Variants in HHIPL2 observed in about 807,000 individuals in gnomAD.
HHIPL2 encodes HHIP like 2, also known as HHIP-like protein 2.
A neutral mutation model predicts 61.0 loss-of-function variants in HHIPL2; 61 were observed. The observed-to-expected ratio is 1.00, with a 90% CI of 0.81 to 1.24. The LOEUF (loss-of-function observed/expected upper bound fraction) is 1.24. Among genes scored for constraint, HHIPL2 ranks in the 50% most tolerant of loss-of-function variants. The pLI is 0.00. For synonymous variants in HHIPL2, 343 were observed against 357.4 expected (o/e 0.96, Z 0.45); for missense variants, 885 against 910.2 (o/e 0.97, Z 0.36).
chr1:222,543,731 G>C lies in HHIPL2; in HGVS notation c.780C>G (p.Asn260Lys), dbSNP rs763180052. Residue 260 changes from asparagine (N) to lysine (K), a missense_variant, in exon 2 of 9, where the codon AAC becomes AAG. Physicochemically the swap from Asn to Lys is moderately conservative, Grantham distance 94 (BLOSUM62 0). Coordinates refer to ENST00000343410, the MANE Select transcript of HHIPL2 (RefSeq NM_024746.4). ...RLEQPFLDLK[N>K]IVLTTPWIGD... ...CGATCCATGGGGTGGTCAACACGATGTTCTTGAGGTCCAGGAAGGGTTGCT... is the reference window on the plus strand; with the variant it reads ...CGATCCATGGGGTGGTCAACACGATCTTCTTGAGGTCCAGGAAGGGTTGCT... 2 of 1,614,208 alleles carry C rather than the reference G, an allele frequency of 1.2e-6. No homozygotes were observed. Among genetic ancestry groups the C allele is most frequent in the Non-Finnish European group, 1.7e-6 (2 of 1,180,034 alleles).
chr1:222,541,920 G>A, intron 3 of HHIPL2, 92 bp downstream of exon 3: 2 of 1,318,982 alleles, frequency 1.5e-6, no homozygotes, highest in Non-Finnish European at 1.0e-6. Flanking sequence ...ACATCTTGCA[G>A]TGTGTGATTT....
chr1:222,537,757 G>A (rs999228389), intron 5 of HHIPL2, among the ~76,000 whole-genome samples: 1 of 151,674 alleles, frequency 6.6e-6, no homozygotes, highest in African/African-American at 2.4e-5. Flanking sequence ...GTTCAGCAAG[G>A]TTGCCAGATA....
At chr1:222,527,647 C>T (rs1659098197) in intron 6 of HHIPL2, among the ~76,000 whole-genome samples, 1 of 152,106 alleles carries the variant, frequency 6.6e-6, no homozygotes, top group Admixed American at 6.5e-5. Context: ...TTGGCTGTGT[C>T]CCCACCCAAA....
Position 222,538,702 on chromosome 1 carries a change from C to T in HHIPL2, c.1523G>A (p.Gly508Asp), listed in dbSNP as rs780972603. 1.2e-6 allele frequency: 2 copies of T among 1,614,038 alleles called. No homozygotes were observed. The highest frequency in any genetic ancestry group is 1.1e-5 in the South Asian group (1 of 91,072). Residue 508 changes from glycine to aspartate, a missense_variant, in exon 5 of 9, where the codon GGT (glycine) becomes GAT (aspartate). Gly to Asp is a moderately conservative substitution (Grantham distance 94). Transcript: ENST00000343410. Reference sequence around the variant, plus strand: ...GCCATTGAGATTTGGGGATTCACAACCACGATAGACATAACCTCCAGTGAC... The same window carrying T: ...GCCATTGAGATTTGGGGATTCACAATCACGATAGACATAACCTCCAGTGAC... ...KSVTGGYVYR[G>D]CESPNLNGLY...
chr1:222,524,391 T>C (rs1035071103), intron 7 of HHIPL2: 2 of 152,230 alleles, frequency 1.3e-5, no homozygotes, highest in African/African-American at 4.8e-5. Flanking sequence ...TCCTCCCAAG[T>C]CCAGGTGGGA....
chr1:222,544,284 G>C (rs1287031299), intron 1 of HHIPL2, 95 bp from the exon 2 acceptor site: 3 of 1,369,818 alleles, frequency 2.2e-6, no homozygotes. Context: ...AATGGTGCTA[G>C]GCGGAAAAAA....
chr1:222,544,507 CTT>C (rs921717758), intron 1 of HHIPL2, among the ~76,000 whole-genome samples: 12 of 152,088 alleles, frequency 7.9e-5, no homozygotes, highest in Non-Finnish European at 1.3e-4. Context: ...TTCTAGATCT[CTT>C]TCTTATTTTT....
rs143366586 is a variant in HHIPL2, at chr1:222,522,847, A to G, written c.1929T>C (p.Ala643=). 5.2e-4 allele frequency: 834 copies of G among 1,614,192 alleles called. No individual in the cohort carries two copies. The highest frequency in any genetic ancestry group is 5.6e-4 in the Non-Finnish European group (655 of 1,180,032). The change falls in exon 9 of 9, where the codon GCT becomes GCC. Residue 643 remains alanine (A), a synonymous_variant. Transcript: ENST00000343410. ...LDLLKEQSEK[A]ARKSSSATLA... ...AGGTTGCACTGGAAGATTTTCTAGCAGCTTTCTCTGATTGTTCCTTTAGCA... is the reference window on the plus strand; with the variant it reads ...AGGTTGCACTGGAAGATTTTCTAGCGGCTTTCTCTGATTGTTCCTTTAGCA...
chr1:222,527,477 T>C (rs1659094304), intron 6 of HHIPL2, among the ~76,000 whole-genome samples: 2 of 152,156 alleles, frequency 1.3e-5, no homozygotes, highest in African/African-American at 4.8e-5. Context: ...TTTAGTCCTT[T>C]TGTTTCCCTT....
intron 1 of HHIPL2, among the ~76,000 whole-genome samples, chr1:222,545,961 C>T (rs1033749518): frequency 6.6e-6 from 1 of 152,038 alleles, no homozygotes; most frequent in Non-Finnish European, 1.5e-5. Flanking sequence ...AGGAGAATCG[C>T]TTGAAGCCGG....
At chr1:222,538,876 G>T in intron 4 of HHIPL2, 102 bp from the exon 5 acceptor site, 1 of 1,228,226 alleles carries the variant, frequency 8.1e-7, no homozygotes, top group South Asian at 1.4e-5. Flanking sequence ...ATTCAGTAAA[G>T]AACACTTTAC....
At chr1:222,535,020 G>A (rs762320410) in intron 5 of HHIPL2, among the ~76,000 whole-genome samples, 28 of 151,874 alleles carry the variant, frequency 1.8e-4, no homozygotes, top group Non-Finnish European at 3.2e-4. Context: ...CCAAACTAAG[G>A]CATATTTTAA....
intron 8 of HHIPL2, 57 bp downstream of exon 8, chr1:222,523,555 G>A: frequency 1.3e-6 from 2 of 1,502,484 alleles, no homozygotes; most frequent in Admixed American, 1.7e-5. Context: ...GCTTGCTGAG[G>A]GCACTGCCTT....
Position 222,540,269 on chromosome 1 carries a change from G to C in HHIPL2, c.1191C>G (p.Val397=). 6.2e-7 allele frequency: 1 copy of C among 1,614,248 alleles called. No homozygotes were observed. Among genetic ancestry groups the C allele is most frequent in the South Asian group, 1.1e-5 (1 of 91,090 alleles). ...CAGAAACAAATGGATTGTCCGAGGG[G>C]ACTCGGTACCGCTTGCCATGTGAGC... ...RAGSHGKRYR[V]PSDNPFVSEP... is the part of the protein sequence containing the mutation. Residue 397 remains valine (V), a synonymous_variant, in exon 4 of 9, where the codon GTC becomes GTG. Coordinates refer to ENST00000343410, the MANE Select transcript of HHIPL2 (RefSeq NM_024746.4).
chr1:222,525,452 T>G (rs1247943834), intron 7 of HHIPL2, among the ~76,000 whole-genome samples: 1 of 152,046 alleles, frequency 6.6e-6, no homozygotes. Context: ...GGGAACAGCC[T>G]CAGGGACGGA....
At chr1:222,530,649 A>G (rs2102612687) in intron 6 of HHIPL2, among the ~76,000 whole-genome samples, 2 of 152,192 alleles carry the variant, frequency 1.3e-5, no homozygotes, top group East Asian at 3.8e-4. Context: ...CAAGGCAGCC[A>G]CCTCATGGCC....
At chr1:222,525,535 GC>G (rs1401453178) in intron 7 of HHIPL2, among the ~76,000 whole-genome samples, 3 of 152,094 alleles carry the variant, frequency 2.0e-5, no homozygotes, top group East Asian at 3.9e-4. Context: ...GATAGAGCTG[GC>G]CCCCCCAAGC....
intron 1 of HHIPL2, among the ~76,000 whole-genome samples, chr1:222,544,684 T>C (rs1659518535): frequency 1.3e-5 from 2 of 152,170 alleles, no homozygotes; most frequent in African/African-American, 4.8e-5. Flanking sequence ...TTCTTATGGA[T>C]GCTATATCTA....
At chr1:222,527,615 T>C (rs1220660968) in intron 6 of HHIPL2, among the ~76,000 whole-genome samples, 1 of 152,018 alleles carries the variant, frequency 6.6e-6, no homozygotes, top group Non-Finnish European at 1.5e-5. Flanking sequence ...ACCCACTCTC[T>C]CCTGTATCTC....
Sources: gnomAD v4.1 joint callset for allele counts (sites outside exome capture counted in the v4.1 genomes callset) on GRCh38, gnomAD v4.1.1 for gene constraint, MANE v1.5 for transcripts, NCBI Gene and HGNC (gene_info 2026-07-23, HGNC 2026-07-21) for gene names.